H2AC4: variants seen among roughly 807,000 people sequenced by gnomAD.
The protein encoded by H2AC4 is histone H2A type 1-B/E.
Under a neutral mutation model 6.1 loss-of-function variants are expected in H2AC4, and 8 were observed. The ratio of observed to expected loss-of-function variants is 1.31; its 90% CI spans 0.77 to 2.36. The LOEUF is 2.36. Among genes scored for constraint, H2AC4 ranks in the 30% most tolerant of loss-of-function variants. H2AC4 has a pLI of 0.00. For missense variants in H2AC4, 260 were observed against 180.4 expected (o/e 1.44, Z -2.53); for synonymous variants, 129 against 78.4 (o/e 1.64, Z -3.41).
rs760714072 is a variant in H2AC4, at chr6:26,033,411, G to A, written c.158C>T (p.Ala53Val). ...GGCGGTCAGGTACTCAAGCACCGCC[G>A]CGAGATACACCGGCGCGCCAGCCCC... ...RVGAGAPVYL[A>V]AVLEYLTAEI... Residue 53 changes from alanine to valine, a missense_variant, in exon 1 of 1, where the codon GCG (alanine) becomes GTG (valine). Ala to Val is a moderately conservative substitution (Grantham distance 64). Coordinates refer to ENST00000615868, the MANE Select transcript of H2AC4 (RefSeq NM_003513.3). 8.1e-6 allele frequency: 13 copies of A among 1,613,904 alleles called. No homozygotes were observed. Among genetic ancestry groups the A allele is most frequent in the Non-Finnish European group, 9.3e-6 (11 of 1,179,930 alleles).
Position 26,033,381 on chromosome 6 carries a change from A to T in H2AC4, c.188T>A (p.Ile63Asn). Reference sequence around the variant, plus strand: ...GGCCGCATTGCCCGCCAGCTCCAGGATCTCGGCGGTCAGGTACTCAAGCAC... The same window carrying T: ...GGCCGCATTGCCCGCCAGCTCCAGGTTCTCGGCGGTCAGGTACTCAAGCAC... The part of the protein sequence containing the change: ...AAVLEYLTAE[I>N]LELAGNAARD... Residue 63 changes from isoleucine to asparagine, a missense_variant, in exon 1 of 1, where the codon ATC becomes AAC. Transcript: ENST00000615868. 6.2e-7 allele frequency: 1 copy of T among 1,613,680 alleles called. No individual in the cohort carries two copies. The highest frequency in any genetic ancestry group is 8.5e-7 in the Non-Finnish European group (1 of 1,179,878).
chr6:26,033,494 C>A lies in H2AC4; in HGVS notation c.75G>T (p.Gln25His). ...GGCGGTGCACTCGGCCCACAGGAAA[C>A]TGCAAACCTGCACGAGAAGACCGAG... is the stretch of plus-strand genomic sequence containing the variant. ...AKTRSSRAGLQFPVGRVHRLL... is the reference protein window; with the variant it reads ...AKTRSSRAGLHFPVGRVHRLL... Residue 25 changes from glutamine to histidine, a missense_variant, in exon 1 of 1, where the codon CAG (glutamine) becomes CAT (histidine). Physicochemically the swap from Gln to His is conservative, Grantham distance 24. Coordinates refer to ENST00000615868, the MANE Select transcript of H2AC4 (RefSeq NM_003513.3). 2 of 1,614,228 alleles carry A rather than the reference C, an allele frequency of 1.2e-6. No homozygotes were observed. The highest frequency in any genetic ancestry group is 1.7e-6 in the Non-Finnish European group (2 of 1,180,040).
chr6:26,033,293 C>T lies in H2AC4; in HGVS notation c.276G>A (p.Glu92=). The T allele has an allele frequency of 4.3e-6, 7 of 1,614,188 alleles. No individual in the cohort carries two copies. The highest frequency in any genetic ancestry group is 5.9e-6 in the Non-Finnish European group (7 of 1,180,046). The change falls in exon 1 of 1, where the codon GAG becomes GAA. Residue 92 remains glutamate (E), a synonymous_variant. Transcript: ENST00000615868. ...CACGCCCCAAGAGTTTATTAAGCTC[C>T]TCGTCATTGCGGATGGCCAATTGCA... The part of the protein sequence containing the change: ...RHLQLAIRND[E]ELNKLLGRVT...
rs757299237 is a variant in H2AC4, at chr6:26,033,453, T to C, written c.116A>G (p.Asn39Ser). 4 of 1,614,042 alleles carry C rather than the reference T, an allele frequency of 2.5e-6. No homozygotes were observed. The African/African-American group carries it at 4.0e-5, about 16-fold the overall frequency. ...GRVHRLLRKG[N>S]YSERVGAGAP... ...GCCAGCCCCGACGCGCTCGGAGTAG[T>C]TGCCTTTGCGGAGCAGGCGGTGCAC... Residue 39 changes from asparagine to serine, a missense_variant, in exon 1 of 1, where the codon AAC becomes AGC. By Grantham distance (46) the Asn-to-Ser change is conservative. Coordinates refer to ENST00000615868, the MANE Select transcript of H2AC4 (RefSeq NM_003513.3).
Position 26,033,345 on chromosome 6 carries a change from T to G in H2AC4, c.224A>C (p.Lys75Thr). 1 of 1,613,998 alleles carries G rather than the reference T, an allele frequency of 6.2e-7. No homozygotes were observed. The highest frequency in any genetic ancestry group is 8.5e-7 in the Non-Finnish European group (1 of 1,179,976). Reference sequence around the variant, plus strand: ...GTGGCGCGGGATGATGCGGGTCTTCTTGTTGTCGCGGGCCGCATTGCCCGC... The same window carrying G: ...GTGGCGCGGGATGATGCGGGTCTTCGTGTTGTCGCGGGCCGCATTGCCCGC... ...ELAGNAARDNKKTRIIPRHLQ... is the reference protein window; with the variant it reads ...ELAGNAARDNTKTRIIPRHLQ... Residue 75 changes from lysine to threonine, a missense_variant, in exon 1 of 1, where the codon AAG becomes ACG. By Grantham distance (78) the Lys-to-Thr change is moderately conservative (BLOSUM62 -1). Coordinates refer to ENST00000615868, the MANE Select transcript of H2AC4 (RefSeq NM_003513.3).
At position 26,033,501 on chromosome 6, in the gene H2AC4, C is replaced by A; in HGVS notation, c.68G>T (p.Gly23Val). Residue 23 changes from glycine (G) to valine (V), a missense_variant, in exon 1 of 1, where the codon GGT (glycine) becomes GTT (valine). Physicochemically the swap from Gly to Val is moderately radical, Grantham distance 109. Transcript: ENST00000615868. The stretch of plus-strand genomic sequence containing the variant: ...CACTCGGCCCACAGGAAACTGCAAA[C>A]CTGCACGAGAAGACCGAGTCTTAGC... ...AKAKTRSSRA[G>V]LQFPVGRVHR... 6.2e-7 allele frequency: 1 copy of A among 1,614,240 alleles called. No homozygotes were observed. Among genetic ancestry groups the A allele is most frequent in the Non-Finnish European group, 8.5e-7 (1 of 1,180,050 alleles).
chr6:26,033,523 T>G lies in H2AC4; in HGVS notation c.46A>C (p.Lys16Gln). 1.9e-6 allele frequency: 3 copies of G among 1,614,158 alleles called. No homozygotes were observed. Among genetic ancestry groups the G allele is most frequent in the Non-Finnish European group, 2.5e-6 (3 of 1,180,010 alleles). ...KQGGKARAKA[K>Q]TRSSRAGLQF... ...AAACCTGCACGAGAAGACCGAGTCT[T>G]AGCCTTGGCGCGAGCTTTACCGCCT... Residue 16 changes from lysine to glutamine, a missense_variant, in exon 1 of 1, where the codon AAG becomes CAG. Lys to Gln is a moderately conservative substitution (Grantham distance 53, BLOSUM62 1). Coordinates refer to ENST00000615868, the MANE Select transcript of H2AC4 (RefSeq NM_003513.3).
Position 26,033,591 on chromosome 6 carries a change from T to G in H2AC4, c.-23A>C, listed in dbSNP as rs200454076. The G allele has an allele frequency of 1.3e-3, 2,016 of 1,596,924 alleles. 4 individuals carry two copies. The highest frequency in any genetic ancestry group is 2.0e-3 in the Middle Eastern group (12 of 6,006). ...CATAACTACTTCTGATAAGGGAAAA[T>G]CGCCACAAGAAAATGTAATGAAACT... On this transcript the variant is annotated 5_prime_UTR_variant, in exon 1 of 1. Transcript: ENST00000615868.
Position 26,033,379 on chromosome 6 carries a change from G to T in H2AC4, c.190C>A (p.Leu64Met), listed in dbSNP as rs372993129. ...CGGGCCGCATTGCCCGCCAGCTCCA[G>T]GATCTCGGCGGTCAGGTACTCAAGC... is the stretch of plus-strand genomic sequence containing the variant. ...AVLEYLTAEI[L>M]ELAGNAARDN... Residue 64 changes from leucine to methionine, a missense_variant, in exon 1 of 1, where the codon CTG becomes ATG. Transcript: ENST00000615868. 6.2e-7 allele frequency: 1 copy of T among 1,614,020 alleles called. No homozygotes were observed. The highest frequency in any genetic ancestry group is 2.2e-5 in the East Asian group (1 of 44,876).
rs755686227 is a variant in H2AC4 at position 26,033,508 on chromosome 6, G to C, written c.61C>G (p.Arg21Gly). The change falls in exon 1 of 1, where the codon CGT becomes GGT. Residue 21 changes from arginine (R) to glycine (G), a missense_variant. Physicochemically the swap from Arg to Gly is moderately radical, Grantham distance 125. Transcript: ENST00000615868. Reference protein sequence around the residue: ...ARAKAKTRSSRAGLQFPVGRV... With the variant: ...ARAKAKTRSSGAGLQFPVGRV... ...CCCACAGGAAACTGCAAACCTGCACGAGAAGACCGAGTCTTAGCCTTGGCG... is the reference window on the plus strand; with the variant it reads ...CCCACAGGAAACTGCAAACCTGCACCAGAAGACCGAGTCTTAGCCTTGGCG... 6.2e-7 allele frequency: 1 copy of C among 1,614,224 alleles called. No individual in the cohort carries two copies. The highest frequency in any genetic ancestry group is 8.5e-7 in the Non-Finnish European group (1 of 1,180,048).
In H2AC4 at chr6:26,033,139, C is replaced by T; in HGVS notation, c.*37G>A. 3 of 1,603,644 alleles carry T rather than the reference C, an allele frequency of 1.9e-6. No individual in the cohort carries two copies. Among genetic ancestry groups the T allele is most frequent in the South Asian group, 2.2e-5 (2 of 89,144 alleles). On this transcript the variant is annotated 3_prime_UTR_variant, in exon 1 of 1. Transcript: ENST00000615868. ...TTTGCTGTTAGGCTGATTTTGTCTGCTGACAGAAAAACAGCAGTGCATGAA... is the reference window on the plus strand; with the variant it reads ...TTTGCTGTTAGGCTGATTTTGTCTGTTGACAGAAAAACAGCAGTGCATGAA...
In H2AC4 at chr6:26,033,305, G is replaced by C; in HGVS notation, c.264C>G (p.Ile88Met). The change falls in exon 1 of 1, where the codon ATC becomes ATG. Residue 88 changes from isoleucine to methionine, a missense_variant. By Grantham distance (10) the Ile-to-Met change is conservative. Coordinates refer to ENST00000615868, the MANE Select transcript of H2AC4 (RefSeq NM_003513.3). ...RIIPRHLQLA[I>M]RNDEELNKLL... Reference sequence around the variant, plus strand: ...GTTTATTAAGCTCCTCGTCATTGCGGATGGCCAATTGCAGGTGGCGCGGGA... The same window carrying C: ...GTTTATTAAGCTCCTCGTCATTGCGCATGGCCAATTGCAGGTGGCGCGGGA... The C allele has an allele frequency of 2.5e-6, 4 of 1,614,208 alleles. No homozygotes were observed. Among genetic ancestry groups the C allele is most frequent in the Non-Finnish European group, 3.4e-6 (4 of 1,180,042 alleles).
At position 26,033,321 on chromosome 6, in the gene H2AC4, T is replaced by C; in HGVS notation, c.248A>G (p.His83Arg). The part of the protein sequence containing the change: ...DNKKTRIIPR[H>R]LQLAIRNDEE... ...GTCATTGCGGATGGCCAATTGCAGGTGGCGCGGGATGATGCGGGTCTTCTT... is the reference window on the plus strand; with the variant it reads ...GTCATTGCGGATGGCCAATTGCAGGCGGCGCGGGATGATGCGGGTCTTCTT... The change falls in exon 1 of 1, where the codon CAC becomes CGC. Residue 83 changes from histidine to arginine, a missense_variant. Physicochemically the swap from His to Arg is conservative, Grantham distance 29 (BLOSUM62 0). Transcript: ENST00000615868. 1.2e-6 allele frequency: 2 copies of C among 1,614,038 alleles called. No individual in the cohort carries two copies. The highest frequency in any genetic ancestry group is 2.2e-5 in the South Asian group (2 of 91,076).
Position 26,033,596 on chromosome 6 carries a change from A to C in H2AC4, c.-28T>G. ...CTACTTCTGATAAGGGAAAATCGCC[A>C]CAAGAAAATGTAATGAAACTACATT... On this transcript the variant is annotated 5_prime_UTR_variant, in exon 1 of 1. Transcript: ENST00000615868. The C allele has an allele frequency of 6.2e-7, 1 of 1,607,572 alleles. No homozygotes were observed. Among genetic ancestry groups the C allele is most frequent in the Non-Finnish European group, 8.5e-7 (1 of 1,177,900 alleles).
Position 26,033,416 on chromosome 6 carries a change from A to C in H2AC4, c.153T>G (p.Tyr51Ter), listed in dbSNP as rs891536312. ...TCAGGTACTCAAGCACCGCCGCGAGATACACCGGCGCGCCAGCCCCGACGC... is the reference window on the plus strand; with the variant it reads ...TCAGGTACTCAAGCACCGCCGCGAGCTACACCGGCGCGCCAGCCCCGACGC... ...SERVGAGAPV[Y>*]LAAVLEYLTA... The change falls in exon 1 of 1, where the codon TAT (tyrosine) becomes TAG (stop). Residue 51 changes from tyrosine (Y) to a stop codon, truncating the protein, a stop_gained. Coordinates refer to ENST00000615868, the MANE Select transcript of H2AC4 (RefSeq NM_003513.3). LOFTEE classifies it high-confidence loss of function. The C allele has an allele frequency of 1.2e-6, 2 of 1,613,842 alleles. No homozygotes were observed. Among genetic ancestry groups the C allele is most frequent in the African/African-American group, 2.7e-5 (2 of 74,874 alleles).
Position 26,033,504 on chromosome 6 carries a change from G to A in H2AC4, c.65C>T (p.Ala22Val), listed in dbSNP as rs754132650. The A allele has an allele frequency of 2.0e-5, 33 of 1,614,106 alleles. No homozygotes were observed. Among genetic ancestry groups the A allele is most frequent in the Admixed American group, 1.2e-4 (7 of 60,004 alleles). ...RAKAKTRSSR[A>V]GLQFPVGRVH... ...TCGGCCCACAGGAAACTGCAAACCT[G>A]CACGAGAAGACCGAGTCTTAGCCTT... The change falls in exon 1 of 1, where the codon GCA (alanine) becomes GTA (valine). Residue 22 changes from alanine (A) to valine (V), a missense_variant. Physicochemically the swap from Ala to Val is moderately conservative, Grantham distance 64. Coordinates refer to ENST00000615868, the MANE Select transcript of H2AC4 (RefSeq NM_003513.3).
rs1425931635 is a variant in H2AC4, at chr6:26,033,408, G to A, written c.161C>T (p.Ala54Val). The A allele has an allele frequency of 1.2e-6, 2 of 1,613,934 alleles. No homozygotes were observed. Among genetic ancestry groups the A allele is most frequent in the South Asian group, 1.1e-5 (1 of 91,068 alleles). ...VGAGAPVYLA[A>V]VLEYLTAEIL... ...CTCGGCGGTCAGGTACTCAAGCACC[G>A]CCGCGAGATACACCGGCGCGCCAGC... Residue 54 changes from alanine (A) to valine (V), a missense_variant, in exon 1 of 1, where the codon GCG (alanine) becomes GTG (valine). Coordinates refer to ENST00000615868, the MANE Select transcript of H2AC4 (RefSeq NM_003513.3).
At position 26,033,092 on chromosome 6, in the gene H2AC4, G is replaced by GT; in HGVS notation, c.*83dup. 1.3e-6 allele frequency: 2 copies of GT among 1,512,908 alleles called. No individual in the cohort carries two copies. The highest frequency in any genetic ancestry group is 1.8e-6 in the Non-Finnish European group (2 of 1,109,746). 93.7% of individuals were successfully genotyped at this position (1,512,908 alleles called of 1,614,324 possible). On this transcript the variant is annotated 3_prime_UTR_variant, in exon 1 of 1. Coordinates refer to ENST00000615868, the MANE Select transcript of H2AC4 (RefSeq NM_003513.3). Reference sequence around the variant, plus strand: ...CACAACAGCTCATTTAATGGAAGTCGTAGGTGGCTCTGAAAAGAGCCTTTG... The same window carrying GT: ...CACAACAGCTCATTTAATGGAAGTCGTTAGGTGGCTCTGAAAAGAGCCTTTG...
At position 26,033,606 on chromosome 6, in the gene H2AC4, G is replaced by T. The variant is rs556811794; in HGVS notation, c.-38C>A. 2.5e-6 allele frequency: 4 copies of T among 1,603,850 alleles called. No homozygotes were observed. Among genetic ancestry groups the T allele is most frequent in the African/African-American group, 1.4e-5 (1 of 73,986 alleles). ...TAAGGGAAAATCGCCACAAGAAAATGTAATGAAACTACATTAGAACGCAAG... is the reference window on the plus strand; with the variant it reads ...TAAGGGAAAATCGCCACAAGAAAATTTAATGAAACTACATTAGAACGCAAG... On this transcript the variant is annotated 5_prime_UTR_variant, in exon 1 of 1. Transcript: ENST00000615868.
Sources: gnomAD v4.1 joint callset for allele counts on GRCh38, gnomAD v4.1.1 for gene constraint, MANE v1.5 for transcripts, NCBI Gene and HGNC (gene_info 2026-07-23, HGNC 2026-07-21) for gene names.